Variants in CMBL observed in about 807,000 individuals in gnomAD.
CMBL encodes the protein carboxymethylenebutenolidase homolog, also known as carboxymethylenebutenolidase homolog (Pseudomonas).
A neutral mutation model predicts 28.7 loss-of-function variants in CMBL; 17 were observed. That is an observed-to-expected ratio of 0.59 (90% CI 0.41 to 0.89). The LOEUF (loss-of-function observed/expected upper bound fraction) is 0.89, where lower values mean the gene tolerates loss of function less well. CMBL is among the 40% of genes least tolerant of loss of function. The probability of loss-of-function intolerance (pLI) is 0.00; values close to 1 mark genes in which losing one functional copy is unlikely to be tolerated. For missense variants in CMBL, 310 were observed against 298.5 expected (o/e 1.04, Z -0.28); for synonymous variants, 106 against 101.6 (o/e 1.04, Z -0.26).
rs1746508182 is a variant in CMBL, at chr5:10,282,280, T to C, written c.475A>G (p.Lys159Glu). 6.3e-7 allele frequency: 1 copy of C among 1,598,434 alleles called. No homozygotes were observed. The highest frequency in any genetic ancestry group is 1.3e-5 in the African/African-American group (1 of 74,822). The part of the protein sequence containing the change: ...RAGVSVYGIV[K>E]DSEDIYNLKN... ...AAATTGTAAATGTCTTCAGAATCCT[T>C]GACAATGCCTGAAAAACAAGCACAG... Residue 159 changes from lysine to glutamate, a missense_variant, in exon 5 of 6, where the codon AAG (lysine) becomes GAG (glutamate). Transcript: ENST00000296658.
chr5:10,294,166 G>C (rs1746771836), intron 1 of CMBL, among the ~76,000 whole-genome samples: 2 of 152,222 alleles, frequency 1.3e-5, no homozygotes, highest in South Asian at 4.1e-4. Context: ...GGAGAGAACA[G>C]CAGAGAATAG....
intron 1 of CMBL, among the ~76,000 whole-genome samples, chr5:10,299,476 A>G (rs1354951316): frequency 6.6e-6 from 1 of 152,150 alleles, no homozygotes; most frequent in Non-Finnish European, 1.5e-5. Context: ...GAAGGAGTCT[A>G]GCAAAGTTAA....
intron 1 of CMBL, chr5:10,307,411 G>A (rs1040807166): frequency 2.0e-5 from 3 of 152,216 alleles, no homozygotes; most frequent in Non-Finnish European, 2.9e-5. Flanking sequence ...GTAAACAGCG[G>A]CTGCTTCGGA....
chr5:10,286,638 A>C, intron 3 of CMBL, 142 bp from the exon 4 acceptor site: 2 of 646,614 alleles, frequency 3.1e-6, no homozygotes, highest in East Asian at 3.0e-5. Context: ...CACCCTTACT[A>C]CCTCTGGCCC....
At chr5:10,303,277 T>C (rs987382945) in intron 1 of CMBL, among the ~76,000 whole-genome samples, 4 of 152,200 alleles carry the variant, frequency 2.6e-5, no homozygotes, top group Non-Finnish European at 5.9e-5. Flanking sequence ...TCTCCCTAAA[T>C]GTATAAAACC....
rs1000872713 is a variant in CMBL, at chr5:10,303,706, T to C, written c.-20+3919A>G. 3.0e-4 allele frequency among the ~76,000 whole-genome samples: 45 copies of C among 152,322 alleles called. 1 individual carries two copies. The South Asian group carries it at 3.7e-3, about 13-fold the overall frequency. Reference sequence around the variant, plus strand: ...AGTTATTGGCCATACAACTCAGTTATATAGTTATGGGTTGGGGGATCACAC... The same window carrying C: ...AGTTATTGGCCATACAACTCAGTTACATAGTTATGGGTTGGGGGATCACAC... On this transcript the variant is annotated intron_variant, in intron 1 of 5. Transcript: ENST00000296658.
At chr5:10,291,811 AT>A (rs972423412) in intron 1 of CMBL, among the ~76,000 whole-genome samples, 4 of 152,210 alleles carry the variant, frequency 2.6e-5, no homozygotes, top group Non-Finnish European at 5.9e-5. Flanking sequence ...GCAAATGCAA[AT>A]CCACTTTACC....
intron 3 of CMBL, among the ~76,000 whole-genome samples, chr5:10,287,169 G>A (rs1746619180): frequency 6.6e-6 from 1 of 152,192 alleles, no homozygotes. Context: ...TAGAAGCAAT[G>A]TACCAAAGTG....
Position 10,279,606 on chromosome 5 carries a change from A to G in CMBL, c.*847T>C, listed in dbSNP as rs982477207. ...GTCCAGGCTGGAGTGCAGTAGCGCA[A>G]CCTCGACTCACTGCAACCTCTGCCT... On this transcript the variant is annotated 3_prime_UTR_variant, in exon 6 of 6. Coordinates refer to ENST00000296658, the MANE Select transcript of CMBL (RefSeq NM_138809.4). 3 of 151,618 alleles carry G rather than the reference A, an allele frequency of 2.0e-5. No homozygotes were observed. Among genetic ancestry groups the G allele is most frequent in the Non-Finnish European group, 4.4e-5 (3 of 67,996 alleles). 9.4% of individuals were successfully genotyped at this position (151,618 alleles called of 1,614,324 possible).
At chr5:10,301,508 T>C (rs1746896932) in intron 1 of CMBL, among the ~76,000 whole-genome samples, 1 of 148,016 alleles carries the variant, frequency 6.8e-6, no homozygotes, top group South Asian at 2.1e-4. Context: ...TGGGGGCGCG[T>C]GGGGCAGTGA....
At chr5:10,305,963 C>T (rs763811580) in intron 1 of CMBL, among the ~76,000 whole-genome samples, 2 of 151,100 alleles carry the variant, frequency 1.3e-5, no homozygotes, top group Non-Finnish European at 2.9e-5. Context: ...TACATTTGCA[C>T]TTCTTGACTT....
At chr5:10,306,357 C>A (rs1209085995) in intron 1 of CMBL, among the ~76,000 whole-genome samples, 1 of 151,956 alleles carries the variant, frequency 6.6e-6, no homozygotes, top group African/African-American at 2.4e-5. Flanking sequence ...GAGCCTGAGC[C>A]CGGAGGGGGC....
rs565051047 is a variant in CMBL, at chr5:10,305,161, C to T, written c.-20+2464G>A. Among the ~76,000 whole-genome samples, 7 of 152,250 alleles carry T rather than the reference C, an allele frequency of 4.6e-5. No individual in the cohort carries two copies. The South Asian group carries it at 1.5e-3, about 32-fold the overall frequency. On this transcript the variant is annotated intron_variant, in intron 1 of 5. Transcript: ENST00000296658. ...TCAGTTCTGTGGTCTCCACTGGTGACGTCTCTGGAAATCAGGACGCTTTTC... is the reference window on the plus strand; with the variant it reads ...TCAGTTCTGTGGTCTCCACTGGTGATGTCTCTGGAAATCAGGACGCTTTTC...
intron 4 of CMBL, among the ~76,000 whole-genome samples, chr5:10,283,426 C>A (rs905614108): frequency 9.9e-5 from 15 of 152,096 alleles, no homozygotes; most frequent in Non-Finnish European, 1.8e-4. Flanking sequence ...CGCACCAGAC[C>A]ACGAGTGTGG....
chr5:10,303,057 T>G (rs1419966989), intron 1 of CMBL, among the ~76,000 whole-genome samples: 2 of 152,198 alleles, frequency 1.3e-5, no homozygotes, highest in African/African-American at 4.8e-5. Flanking sequence ...CTCCCAAACC[T>G]CTTATCTTAA....
In CMBL at chr5:10,289,469, T is replaced by C. The variant is rs571192869; in HGVS notation, c.216-940A>G. ...GAAACAACAGAAACAGCAATGCCAT[T>C]TGATCGGCTGCTTGGGCCAGTGATC... On this transcript the variant is annotated intron_variant, in intron 2 of 5. Coordinates refer to ENST00000296658, the MANE Select transcript of CMBL (RefSeq NM_138809.4). The surrounding 1 kb of genome is among the most constrained non-coding windows in gnomAD (Gnocchi z 4.3). Among the ~76,000 whole-genome samples the C allele has an allele frequency of 1.3e-5, 2 of 152,320 alleles. No homozygotes were observed. Among genetic ancestry groups the C allele is most frequent in the Admixed American group, 1.3e-4 (2 of 15,302 alleles).
chr5:10,299,074 T>C (rs956745177), intron 1 of CMBL, among the ~76,000 whole-genome samples: 1 of 152,062 alleles, frequency 6.6e-6, no homozygotes, highest in Non-Finnish European at 1.5e-5. Flanking sequence ...GTAACTAAGA[T>C]GAAAGATTAA....
chr5:10,280,474 C>G lies in CMBL; in HGVS notation c.717G>C (p.Glu239Asp). 1.2e-6 allele frequency: 2 copies of G among 1,603,608 alleles called. No individual in the cohort carries two copies. Among genetic ancestry groups the G allele is most frequent in the Non-Finnish European group, 8.5e-7 (1 of 1,171,984 alleles). Residue 239 changes from glutamate to aspartate, a missense_variant, in exon 6 of 6, where the codon GAG (glutamate) becomes GAC (aspartate). Physicochemically the swap from Glu to Asp is conservative, Grantham distance 45. Transcript: ENST00000296658. ...YIDEARRNLI[E>D]WLNKYM ...CTTGCTACATGTACTTGTTCAGCCA[C>G]TCAATTAAATTCCTTCTGGCCTCGT...
chr5:10,296,037 T>C (rs1746803106), intron 1 of CMBL, among the ~76,000 whole-genome samples: 1 of 152,216 alleles, frequency 6.6e-6, no homozygotes, highest in Non-Finnish European at 1.5e-5. Flanking sequence ...AGGCACGAGT[T>C]ACAGTCCTGT....
Sources: gnomAD v4.1 joint callset for allele counts (sites outside exome capture counted in the v4.1 genomes callset) on GRCh38, gnomAD v4.1.1 for gene constraint, Gnocchi (gnomAD v3.1) non-coding constraint, MANE v1.5 for transcripts, NCBI Gene and HGNC (gene_info 2026-07-23, HGNC 2026-07-21) for gene names.